PCDHGA8: variants seen among roughly 807,000 people sequenced by gnomAD.
PCDHGA8 encodes the protein protocadherin gamma-A8.
Under a neutral mutation model 59.2 loss-of-function variants are expected in PCDHGA8, and 45 were observed. The ratio of observed to expected loss-of-function variants is 0.76; its 90% CI spans 0.60 to 0.98. PCDHGA8 has a LOEUF of 0.98. Ranked by LOEUF, PCDHGA8 falls within the 50% of genes least tolerant of loss-of-function variation. PCDHGA8 has a pLI of 0.00. For missense variants in PCDHGA8, 1,257 were observed against 1,196.2 expected (o/e 1.05, Z -0.75); for synonymous variants, 531 against 519.0 (o/e 1.02, Z -0.32).
intron 1 of PCDHGA8, chr5:141,420,275 G>A: frequency 1.3e-6 from 2 of 1,524,576 alleles, no homozygotes; most frequent in Non-Finnish European, 1.8e-6. Flanking sequence ...TCTTAAACAG[G>A]TAAGTATTTA....
At chr5:141,428,293 C>G (rs1278634119) in intron 1 of PCDHGA8, 1 of 716,436 alleles carries the variant, frequency 1.4e-6, no homozygotes, top group South Asian at 1.6e-5. Flanking sequence ...AGCAAAGCTG[C>G]AGATTTACCT....
chr5:141,450,815 A>AT (rs1554136868), intron 1 of PCDHGA8, among the ~76,000 whole-genome samples: 4,329 of 126,688 alleles, frequency 0.034, 70 homozygotes, highest in Middle Eastern at 0.091. Flanking sequence ...TATTTATTTA[A>AT]TATTATTATT....
At position 141,421,681 on chromosome 5, in the gene PCDHGA8, C is replaced by T. The variant is rs750692137; in HGVS notation, c.2424+26444C>T. 4 of 1,613,858 alleles carry T rather than the reference C, an allele frequency of 2.5e-6. No homozygotes were observed. In the South Asian group the frequency reaches 4.4e-5, roughly 18 times the overall value. Reference sequence around the variant, plus strand: ...CAGTGAGCACGCAATTCCTGGGGCGCGATTTGCTCTTCCTAATGCTAGGGA... The same window carrying T: ...CAGTGAGCACGCAATTCCTGGGGCGTGATTTGCTCTTCCTAATGCTAGGGA... On this transcript the variant is annotated intron_variant, in intron 1 of 3. Coordinates refer to ENST00000398604, the MANE Select transcript of PCDHGA8 (RefSeq NM_032088.2).
rs747671382 is a variant in PCDHGA8 at position 141,444,152 on chromosome 5, A to ATTTTTTTT, written c.2424+48944_2424+48951dup. ...GATATGTGTCACTTGTGTGTACTGG[A>ATTTTTTTT]TTTTTTTTTTTTTTTTTTTTTTTTT... On this transcript the variant is annotated intron_variant, in intron 1 of 3. Transcript: ENST00000398604. Among the ~76,000 whole-genome samples, 8 of 33,898 alleles carry ATTTTTTTT rather than the reference A, an allele frequency of 2.4e-4. 3 individuals are homozygous for ATTTTTTTT. Among genetic ancestry groups the ATTTTTTTT allele is most frequent in the African/African-American group, 5.6e-4 (4 of 7,184 alleles). The allele number at this position is 33,898 out of a possible 152,430, so 22.2% of individuals were successfully genotyped here.
intron 1 of PCDHGA8, chr5:141,399,059 A>G (rs769553635): frequency 1.2e-6 from 2 of 1,613,764 alleles, no homozygotes; most frequent in Middle Eastern, 1.6e-4. Context: ...ACCAAGGAAT[A>G]TTCAATGGTT....
At chr5:141,447,549 A>T (rs1387130901) in intron 1 of PCDHGA8, among the ~76,000 whole-genome samples, 1 of 152,216 alleles carries the variant, frequency 6.6e-6, no homozygotes, top group Non-Finnish European at 1.5e-5. Context: ...TAATGTTATG[A>T]GTACACTTGG....
Position 141,393,458 on chromosome 5 carries a change from G to A in PCDHGA8, c.645G>A (p.Ser215=), listed in dbSNP as rs181214352. 5 of 1,614,020 alleles carry A rather than the reference G, an allele frequency of 3.1e-6. No individual in the cohort carries two copies. Among genetic ancestry groups the A allele is most frequent in the African/African-American group, 2.7e-5 (2 of 75,062 alleles). Residue 215 remains serine (S), a synonymous_variant, in exon 1 of 4, where the codon TCG becomes TCA. Transcript: ENST00000398604. ...CTCACCACCTGGTCCTCACGGCCTC[G>A]GATGGCGGCAAGCCGCCTCGCTCTA... ...EAAHHLVLTA[S]DGGKPPRSST...
Position 141,424,165 on chromosome 5 carries a change from A to G in PCDHGA8, c.2424+28928A>G, listed in dbSNP as rs1328883463. 2.8e-5 allele frequency: 7 copies of G among 251,918 alleles called. No individual in the cohort carries two copies. The South Asian group carries it at 4.6e-4, about 17-fold the overall frequency. The allele number at this position is 251,918 out of a possible 1,614,324, so 15.6% of individuals were successfully genotyped here. On this transcript the variant is annotated intron_variant, in intron 1 of 3. Transcript: ENST00000398604. Reference sequence around the variant, plus strand: ...CTCCCTCTAGCTCTCCTTCTCATCTATCTATCTATACACATGCACACACAC... The same window carrying G: ...CTCCCTCTAGCTCTCCTTCTCATCTGTCTATCTATACACATGCACACACAC...
chr5:141,472,505 A>G (rs1041224118), intron 1 of PCDHGA8, among the ~76,000 whole-genome samples: 4 of 152,004 alleles, frequency 2.6e-5, no homozygotes, highest in African/African-American at 7.3e-5. Context: ...GTGCCACTGC[A>G]CTCCAGCCTG....
chr5:141,489,483 T>G lies in PCDHGA8; in HGVS notation c.2425-5324T>G. 1.9e-6 allele frequency: 3 copies of G among 1,613,980 alleles called. No individual in the cohort carries two copies. The highest frequency in any genetic ancestry group is 2.5e-6 in the Non-Finnish European group (3 of 1,180,008). ...GCTATTTTTCCCTGAGCTTGATGAG[T>G]GGTGCCCTGGCAGTGAATCAAAAGA... On this transcript the variant is annotated intron_variant, in intron 1 of 3. Coordinates refer to ENST00000398604, the MANE Select transcript of PCDHGA8 (RefSeq NM_032088.2). This position sits in a 1 kb window ranked among gnomAD's most constrained non-coding sequence, Gnocchi z 4.5.
At chr5:141,410,335 T>C (rs2095381391) in intron 1 of PCDHGA8, 1 of 1,613,894 alleles carries the variant, frequency 6.2e-7, no homozygotes, top group African/African-American at 1.3e-5. Context: ...TTCTGGCCAT[T>C]GCCTTGCGCC....
Position 141,431,915 on chromosome 5 carries a change from A to G in PCDHGA8, c.2424+36678A>G. 1 of 1,614,040 alleles carries G rather than the reference A, an allele frequency of 6.2e-7. No homozygotes were observed. The highest frequency in any genetic ancestry group is 8.5e-7 in the Non-Finnish European group (1 of 1,179,854). On this transcript the variant is annotated intron_variant, in intron 1 of 3. Coordinates refer to ENST00000398604, the MANE Select transcript of PCDHGA8 (RefSeq NM_032088.2). The surrounding 1 kb of genome is among the most constrained non-coding windows in gnomAD (Gnocchi z 4.8). ...GGAAAACGGACAGGTGATCTGTTTC[A>G]TCCAAGGAAATCTGCCCTTTAAATT...
Position 141,394,754 on chromosome 5 carries a change from G to A in PCDHGA8, c.1941G>A (p.Gln647=), listed in dbSNP as rs753264235. 3 of 1,613,428 alleles carry A rather than the reference G, an allele frequency of 1.9e-6. No homozygotes were observed. Among genetic ancestry groups the A allele is most frequent in the African/African-American group, 2.7e-5 (2 of 75,076 alleles). The change falls in exon 1 of 4, where the codon CAG becomes CAA. Residue 647 remains glutamine (Q), a synonymous_variant. Coordinates refer to ENST00000398604, the MANE Select transcript of PCDHGA8 (RefSeq NM_032088.2). ...ALKQSLVVAV[Q]DHGQPPLSAT... ...AGCAGAGCCTCGTGGTGGCCGTCCAGGACCATGGCCAGCCCCCTCTCTCCG... is the reference window on the plus strand; with the variant it reads ...AGCAGAGCCTCGTGGTGGCCGTCCAAGACCATGGCCAGCCCCCTCTCTCCG...
chr5:141,479,813 T>G (rs543146395), intron 1 of PCDHGA8, among the ~76,000 whole-genome samples: 1 of 152,318 alleles, frequency 6.6e-6, no homozygotes, highest in South Asian at 2.1e-4. Flanking sequence ...TATGCAAGGA[T>G]ACTATCCAAG....
chr5:141,447,516 A>G (rs997127013), intron 1 of PCDHGA8, among the ~76,000 whole-genome samples: 1 of 152,220 alleles, frequency 6.6e-6, no homozygotes, highest in African/African-American at 2.4e-5. Flanking sequence ...ATGCATAACA[A>G]TCATAACAAA....
rs376819906 is a variant in PCDHGA8 at position 141,418,227 on chromosome 5, T to C, written c.2424+22990T>C. On this transcript the variant is annotated intron_variant, in intron 1 of 3. Transcript: ENST00000398604. ...AATATTTTTCATGTCATTGTGGTGA[T>C]TGAGGATGTTAATGACCACGCCCCT... The C allele has an allele frequency of 6.8e-6, 11 of 1,613,856 alleles. No homozygotes were observed. In the South Asian group the frequency reaches 7.7e-5, roughly 11 times the overall value.
At chr5:141,462,893 G>A (rs577241413) in intron 1 of PCDHGA8, among the ~76,000 whole-genome samples, 68 of 152,170 alleles carry the variant, frequency 4.5e-4, no homozygotes, top group African/African-American at 1.4e-3. Context: ...AGTTTGTTTT[G>A]GAAGGCTATT....
rs112731052 is a variant in PCDHGA8 at position 141,457,109 on chromosome 5, A to G, written c.2425-37698A>G. ...TATAAGGATACTAATTAAGCAAAAT[A>G]CGACAGCAATGGAAACTCTGTCCAA... is the stretch of plus-strand genomic sequence containing the variant. On this transcript the variant is annotated intron_variant, in intron 1 of 3. Coordinates refer to ENST00000398604, the MANE Select transcript of PCDHGA8 (RefSeq NM_032088.2). 8.3e-3 allele frequency among the ~76,000 whole-genome samples: 1,258 copies of G among 152,360 alleles called. 17 individuals are homozygous for G. Among genetic ancestry groups the G allele is most frequent in the African/African-American group, 0.029 (1,195 of 41,578 alleles).
chr5:141,450,826 A>ATTTT (rs764729742), intron 1 of PCDHGA8, among the ~76,000 whole-genome samples: 5 of 134,360 alleles, frequency 3.7e-5, no homozygotes, highest in East Asian at 2.1e-4. Flanking sequence ...TATTATTATT[A>ATTTT]TTATTTTTTT....
Sources: allele counts gnomAD v4.1 joint callset (sites outside exome capture counted in the v4.1 genomes callset), GRCh38; gene constraint gnomAD v4.1.1; non-coding constraint Gnocchi (gnomAD v3.1); transcripts MANE v1.5; gene names NCBI Gene and HGNC (gene_info 2026-07-23, HGNC 2026-07-21).